Variants in RAD9B observed in about 807,000 individuals in gnomAD.
RAD9B encodes the protein cell cycle checkpoint control protein RAD9B.
A neutral mutation model predicts 48.3 loss-of-function variants in RAD9B; 41 were observed. That is an observed-to-expected ratio of 0.85 (90% CI 0.66 to 1.10). RAD9B has a LOEUF of 1.10. Ranked by LOEUF, RAD9B falls within the 50% of genes least tolerant of loss-of-function variation. The probability of loss-of-function intolerance (pLI) is 0.00; values close to 1 mark genes in which losing one functional copy is unlikely to be tolerated. For synonymous variants in RAD9B, 160 were observed against 157.9 expected (o/e 1.01, Z -0.10); for missense variants, 444 against 485.1 (o/e 0.92, Z 0.80).
intron 10 of RAD9B, among the ~76,000 whole-genome samples, chr12:110,523,489 G>A (rs1446341495): frequency 1.3e-5 from 2 of 152,150 alleles, no homozygotes; most frequent in African/African-American, 2.4e-5. Context: ...AATTTGATTA[G>A]TAAACTGGAC....
In RAD9B at chr12:110,522,246, A is replaced by AT. The variant is rs2063808660; in HGVS notation, c.960_961insT (p.Ala321CysfsTer9). On this transcript the variant is annotated frameshift_variant, in exon 10 of 11. Transcript: ENST00000409300. LOFTEE classifies it high-confidence loss of function. ...AGGCCCTGGAATGTATTTCAAAAAA[A>AT]GCAGCACCAAGAAGGCTTTATCCTA... 6.2e-7 allele frequency: 1 copy of AT among 1,611,128 alleles called. No individual in the cohort carries two copies. The highest frequency in any genetic ancestry group is 8.5e-7 in the Non-Finnish European group (1 of 1,178,762).
intron 10 of RAD9B, among the ~76,000 whole-genome samples, chr12:110,525,013 G>T (rs1401163812): frequency 1.3e-5 from 2 of 151,790 alleles, no homozygotes; most frequent in African/African-American, 4.8e-5. Flanking sequence ...TTTTTAGACG[G>T]AGTTTCATTT....
intron 6 of RAD9B, 71 bp from the exon 7 acceptor site, chr12:110,518,605 A>G (rs1593083083): frequency 8.8e-7 from 1 of 1,131,428 alleles, no homozygotes; most frequent in South Asian, 1.6e-5. Flanking sequence ...GGAGACCAGA[A>G]AAATTCTTTT....
At position 110,530,557 on chromosome 12, in the gene RAD9B, T is replaced by C; in HGVS notation, c.1158T>C (p.Ser386=). Residue 386 remains serine (S), a synonymous_variant, in exon 11 of 11, where the codon TCT becomes TCC. Transcript: ENST00000409300. ...FSCMFFGAVS[S]DQQEHFNHPF... The stretch of plus-strand genomic sequence containing the variant: ...GCATGTTCTTTGGAGCAGTTTCTTC[T>C]GACCAGCAAGAACACTTCAACCACC... The C allele has an allele frequency of 6.2e-7, 1 of 1,614,048 alleles. No individual in the cohort carries two copies. Among genetic ancestry groups the C allele is most frequent in the Non-Finnish European group, 8.5e-7 (1 of 1,179,880 alleles).
chr12:110,508,558 A>G (rs998100147), intron 4 of RAD9B, among the ~76,000 whole-genome samples: 2 of 152,228 alleles, frequency 1.3e-5, no homozygotes, highest in Non-Finnish European at 2.9e-5. Flanking sequence ...AAACTAGCTT[A>G]AAAAATAAAG....
chr12:110,507,578 A>G (rs1353252503), intron 4 of RAD9B, among the ~76,000 whole-genome samples: 2 of 144,430 alleles, frequency 1.4e-5, no homozygotes, highest in Non-Finnish European at 3.0e-5. Flanking sequence ...TTATATATGT[A>G]TAATATATAC....
At position 110,505,792 on chromosome 12, in the gene RAD9B, G is replaced by GT; in HGVS notation, c.273+24dup. ...ATGAAGGTAAATATAAGTGGCCCTG[G>GT]TTTTCTCTTATTCTGTAGAAATATT... On this transcript the variant is annotated intron_variant, in intron 3 of 10. Transcript: ENST00000409300. The GT allele has an allele frequency of 6.2e-7, 1 of 1,601,666 alleles. No homozygotes were observed. Among genetic ancestry groups the GT allele is most frequent in the South Asian group, 1.1e-5 (1 of 89,768 alleles).
chr12:110,509,050 C>T (rs759527871), intron 4 of RAD9B, among the ~76,000 whole-genome samples: 1 of 152,010 alleles, frequency 6.6e-6, no homozygotes, highest in Non-Finnish European at 1.5e-5. Context: ...CTGCAAGCTC[C>T]GCCTCCTGGG....
At chr12:110,522,672 G>T (rs1050771441) in intron 10 of RAD9B, among the ~76,000 whole-genome samples, 5 of 151,992 alleles carry the variant, frequency 3.3e-5, no homozygotes, top group Non-Finnish European at 5.9e-5. Flanking sequence ...TAGAGGTTTG[G>T]GTCACTTGTT....
In RAD9B at chr12:110,518,945, C is replaced by T; in HGVS notation, c.767+7C>T. On this transcript the variant is annotated splice_region_variant and intron_variant, in intron 8 of 10. Transcript: ENST00000409300. ...ATTTTGATTTCCCTGGGAAGTAGGT[C>T]CTTGAGAATTTTTCTGAGCTTGTTT... 1 of 1,535,430 alleles carries T rather than the reference C, an allele frequency of 6.5e-7. No homozygotes were observed. The highest frequency in any genetic ancestry group is 8.8e-7 in the Non-Finnish European group (1 of 1,139,514).
At chr12:110,522,752 T>C (rs2063822907) in intron 10 of RAD9B, among the ~76,000 whole-genome samples, 1 of 152,238 alleles carries the variant, frequency 6.6e-6, no homozygotes, top group Non-Finnish European at 1.5e-5. Context: ...TGAGATCATA[T>C]AAATAATTTG....
intron 4 of RAD9B, among the ~76,000 whole-genome samples, chr12:110,510,259 C>G (rs950359980): frequency 2.3e-4 from 35 of 152,226 alleles, no homozygotes; most frequent in Middle Eastern, 3.4e-3. Context: ...AAATGTTAGC[C>G]CTGTGAAGAC....
At chr12:110,519,711 C>T in intron 8 of RAD9B, 83 bp from the exon 9 acceptor site, 14 of 1,461,046 alleles carry the variant, frequency 9.6e-6, no homozygotes, top group Non-Finnish European at 1.2e-5. Context: ...TCTTTTTAGT[C>T]CAGAATTAAG....
At chr12:110,514,441 A>G (rs2063552860) in intron 5 of RAD9B, among the ~76,000 whole-genome samples, 1 of 152,238 alleles carries the variant, frequency 6.6e-6, no homozygotes, top group Non-Finnish European at 1.5e-5. Context: ...ATCATTAGTC[A>G]TTAGGGAAAT....
In RAD9B at chr12:110,531,441, C is replaced by G; in HGVS notation, c.*788C>G. 1.6e-6 allele frequency: 1 copy of G among 643,302 alleles called. No individual in the cohort carries two copies. The highest frequency in any genetic ancestry group is 1.7e-5 in the South Asian group (1 of 58,118). 39.8% of individuals were successfully genotyped at this position (643,302 alleles called of 1,614,324 possible). The stretch of plus-strand genomic sequence containing the variant: ...TCCTGGCCTCAAGTGATCTGCCCAC[C>G]TCGGCCTCCCAAAGTGCTGGGATTA... On this transcript the variant is annotated 3_prime_UTR_variant, in exon 11 of 11. Coordinates refer to ENST00000409300, the MANE Select transcript of RAD9B (RefSeq NM_001286535.2).
intron 6 of RAD9B, among the ~76,000 whole-genome samples, chr12:110,517,984 C>T (rs183449592): frequency 6.4e-4 from 98 of 151,944 alleles, no homozygotes; most frequent in African/African-American, 1.9e-3. Context: ...GTCAGGAGAT[C>T]GAGACCATCC....
intron 10 of RAD9B, among the ~76,000 whole-genome samples, chr12:110,523,289 C>G (rs2063838851): frequency 6.6e-6 from 1 of 151,932 alleles, no homozygotes; most frequent in African/African-American, 2.4e-5. Flanking sequence ...TAAATATTAG[C>G]CAGATGTGGT....
chr12:110,506,576 C>T lies in RAD9B; in HGVS notation c.274-3C>T, dbSNP rs781524106. On this transcript the variant is annotated splice_region_variant and splice_polypyrimidine_tract_variant and intron_variant, in intron 3 of 10. Coordinates refer to ENST00000409300, the MANE Select transcript of RAD9B (RefSeq NM_001286535.2). ...GTGCTTAATATGTATATTTCTGTTACAGTCAATTTTGCCCATCTTTAGATG... is the reference window on the plus strand; with the variant it reads ...GTGCTTAATATGTATATTTCTGTTATAGTCAATTTTGCCCATCTTTAGATG... 3 of 1,345,188 alleles carry T rather than the reference C, an allele frequency of 2.2e-6. No individual in the cohort carries two copies. The highest frequency in any genetic ancestry group is 4.6e-5 in the East Asian group (2 of 43,502). 83.3% of individuals were successfully genotyped at this position (1,345,188 alleles called of 1,614,324 possible). A position where few individuals can be genotyped will look rare whatever the true frequency, so the allele number is the denominator to read the frequency against.
At chr12:110,516,800 A>C (rs1261379987) in intron 6 of RAD9B, among the ~76,000 whole-genome samples, 1 of 152,074 alleles carries the variant, frequency 6.6e-6, no homozygotes, top group Non-Finnish European at 1.5e-5. Context: ...CGACAGAGCA[A>C]GACTCTGTCT....
Sources: gnomAD v4.1 joint callset for allele counts (sites outside exome capture counted in the v4.1 genomes callset) on GRCh38, gnomAD v4.1.1 for gene constraint, MANE v1.5 for transcripts, NCBI Gene and HGNC (gene_info 2026-07-23, HGNC 2026-07-21) for gene names.